The following VAT1L variants were observed in gnomAD, a reference collection of about 807,000 sequenced individuals.
VAT1L encodes putative NADPH-dependent quinone oxidoreductase VAT1L.
Under a neutral mutation model 44.1 loss-of-function variants are expected in VAT1L, and 34 were observed. That is an observed-to-expected ratio of 0.77 (90% CI 0.59 to 1.03). The LOEUF is 1.03. Ranked by LOEUF, VAT1L falls within the 50% of genes least tolerant of loss-of-function variation. The pLI is 0.00. For synonymous variants in VAT1L, 253 were observed against 202.2 expected, an observed-to-expected ratio of 1.25 and a Z score of -2.13; for missense variants, 615 against 538.8, an observed-to-expected ratio of 1.14 and a Z score of -1.40.
At chr16:77,950,567 A>C (rs1304516267) in intron 7 of VAT1L, among the ~76,000 whole-genome samples, 2 of 152,228 alleles carry the variant, frequency 1.3e-5, no homozygotes, top group African/African-American at 4.8e-5. Flanking sequence ...TATATAGATA[A>C]GCAGAATAAG....
Position 77,807,102 on chromosome 16 carries a change from A to G in VAT1L, c.234-9819A>G, listed in dbSNP as rs181178717. 2.6e-5 allele frequency among the ~76,000 whole-genome samples: 4 copies of G among 152,286 alleles called. No homozygotes were observed. In the East Asian group the frequency reaches 5.8e-4, roughly 22 times the overall value. ...AAGAACCACCAGATCTTTCCTCCTC[A>G]GGAACTGCCGTGCAAAGGAGCCTCA... On this transcript the variant is annotated intron_variant, in intron 1 of 8. Coordinates refer to ENST00000302536, the MANE Select transcript of VAT1L (RefSeq NM_020927.3).
intron 7 of VAT1L, among the ~76,000 whole-genome samples, chr16:77,951,132 T>C (rs577518997): frequency 3.7e-4 from 57 of 152,358 alleles, no homozygotes; most frequent in Non-Finnish European, 6.6e-4. Flanking sequence ...TTGGCTGCAC[T>C]GGCTGTTCAA....
chr16:77,867,558 G>A (rs2016988166), intron 4 of VAT1L, among the ~76,000 whole-genome samples: 2 of 152,016 alleles, frequency 1.3e-5, no homozygotes, highest in South Asian at 4.1e-4. Flanking sequence ...AATATCATGA[G>A]TCAAAAATAT....
rs1567491133 is a variant in VAT1L, at chr16:77,862,839, C to G, written c.671C>G (p.Ser224Cys). ...TTCAAGCATGAAGCAATCAAAGACT[C>G]TGTGACCCACCTCTTTGACAGAAAT... ...STFKHEAIKDSVTHLFDRNAD... is the reference protein window; with the variant it reads ...STFKHEAIKDCVTHLFDRNAD... Residue 224 changes from serine (S) to cysteine (C), a missense_variant, in exon 4 of 9, where the codon TCT (serine) becomes TGT (cysteine). By Grantham distance (112) the Ser-to-Cys change is moderately radical. Coordinates refer to ENST00000302536, the MANE Select transcript of VAT1L (RefSeq NM_020927.3). 1.2e-6 allele frequency: 2 copies of G among 1,614,056 alleles called. No homozygotes were observed. Among genetic ancestry groups the G allele is most frequent in the South Asian group, 2.2e-5 (2 of 91,082 alleles).
chr16:77,831,962 C>T (rs1439468029), intron 3 of VAT1L, among the ~76,000 whole-genome samples: 8 of 150,426 alleles, frequency 5.3e-5, no homozygotes, highest in African/African-American at 2.0e-4. Context: ...ACTACAGGCG[C>T]CCACCACCAT....
chr16:77,923,291 A>C (rs2017632128), intron 7 of VAT1L, among the ~76,000 whole-genome samples: 1 of 152,206 alleles, frequency 6.6e-6, no homozygotes, highest in South Asian at 2.1e-4. Flanking sequence ...TCTACCAAAA[A>C]TACAAAAAAT....
intron 7 of VAT1L, among the ~76,000 whole-genome samples, chr16:77,925,340 A>G (rs1277072736): frequency 1.3e-5 from 2 of 152,184 alleles, no homozygotes; most frequent in African/African-American, 4.8e-5. Flanking sequence ...TGAATCTGAC[A>G]AATGTGAATT....
intron 7 of VAT1L, among the ~76,000 whole-genome samples, chr16:77,921,240 G>A (rs1349163149): frequency 1.3e-5 from 2 of 152,164 alleles, no homozygotes; most frequent in Non-Finnish European, 2.9e-5. Context: ...CATAGCCCAA[G>A]AACACTGTAA....
At chr16:77,941,874 C>G (rs1038753029) in intron 7 of VAT1L, among the ~76,000 whole-genome samples, 2 of 152,154 alleles carry the variant, frequency 1.3e-5, no homozygotes, top group African/African-American at 4.8e-5. Context: ...CAGACACAAA[C>G]CACCACACCC....
chr16:77,790,689 T>G (rs777806302), intron 1 of VAT1L, among the ~76,000 whole-genome samples: 5 of 152,212 alleles, frequency 3.3e-5, no homozygotes, highest in Non-Finnish European at 7.3e-5. Flanking sequence ...GTATGTAATT[T>G]ATGACCCTTC....
At chr16:77,936,486 C>T (rs935272642) in intron 7 of VAT1L, among the ~76,000 whole-genome samples, 4 of 152,108 alleles carry the variant, frequency 2.6e-5, no homozygotes, top group African/African-American at 9.7e-5. Context: ...TGGGGGACTT[C>T]TCCTTAAGTC....
Position 77,788,600 on chromosome 16 carries a change from A to C in VAT1L, c.-83A>C. On this transcript the variant is annotated 5_prime_UTR_variant, in exon 1 of 9. Transcript: ENST00000302536. Reference sequence around the variant, plus strand: ...GAGCATCCCACATTCAACAGGAGGAACCCGCGGGAGAGGAGCCCCACTCCC... The same window carrying C: ...GAGCATCCCACATTCAACAGGAGGACCCCGCGGGAGAGGAGCCCCACTCCC... 211 of 1,376,820 alleles carry C rather than the reference A, an allele frequency of 1.5e-4. No individual in the cohort carries two copies. Among genetic ancestry groups the C allele is most frequent in the Non-Finnish European group, 1.9e-4 (186 of 1,003,062 alleles). 85.3% of individuals were successfully genotyped at this position (1,376,820 alleles called of 1,614,324 possible). A position where few individuals can be genotyped will look rare whatever the true frequency, so the allele number is the denominator to read the frequency against.
At chr16:77,910,245 C>T (rs1360745030) in intron 7 of VAT1L, among the ~76,000 whole-genome samples, 1 of 152,166 alleles carries the variant, frequency 6.6e-6, no homozygotes, top group Non-Finnish European at 1.5e-5. Flanking sequence ...TGGGAAATGG[C>T]AGCTGCTCTT....
chr16:77,972,370 G>C lies in VAT1L; in HGVS notation c.1161+437G>C, dbSNP rs557839550. ...CTTAAACTCTGTCACCCAGGCTGGA[G>C]TGCAGTAGCACTATCTCAACTCACT... On this transcript the variant is annotated intron_variant, in intron 8 of 8. Coordinates refer to ENST00000302536, the MANE Select transcript of VAT1L (RefSeq NM_020927.3). Among the ~76,000 whole-genome samples the C allele has an allele frequency of 5.2e-3, 788 of 152,126 alleles. 16 individuals carry two copies. Among genetic ancestry groups the C allele is most frequent in the Middle Eastern group, 3.4e-3 (1 of 294 alleles).
At chr16:77,932,307 G>A (rs537041370) in intron 7 of VAT1L, among the ~76,000 whole-genome samples, 5 of 151,930 alleles carry the variant, frequency 3.3e-5, no homozygotes, top group Middle Eastern at 3.4e-3. Context: ...GGGTTTCACC[G>A]TGTTAGCCAG....
chr16:77,908,530 G>A (rs1000258847), intron 7 of VAT1L, among the ~76,000 whole-genome samples: 4 of 146,992 alleles, frequency 2.7e-5, no homozygotes, highest in African/African-American at 1.0e-4. Flanking sequence ...AATAGGCCCT[G>A]TTGGAGTTCA....
At chr16:77,901,381 G>A (rs905572459) in intron 7 of VAT1L, among the ~76,000 whole-genome samples, 5 of 151,902 alleles carry the variant, frequency 3.3e-5, no homozygotes, top group Non-Finnish European at 7.4e-5. Flanking sequence ...AGCCAGGATG[G>A]TCTTGATCTC....
chr16:77,871,772 C>G (rs72793009), intron 4 of VAT1L, among the ~76,000 whole-genome samples: 12,626 of 152,138 alleles, frequency 0.083, 756 homozygotes, highest in East Asian at 0.22. Flanking sequence ...TCTTAGCATT[C>G]TACTTGGGAC....
At chr16:77,842,930 C>A (rs1281905811) in intron 3 of VAT1L, among the ~76,000 whole-genome samples, 1 of 152,158 alleles carries the variant, frequency 6.6e-6, no homozygotes. Flanking sequence ...CTGCTCAGTG[C>A]CTTGCATTCG....
Sources: gnomAD v4.1 joint callset for allele counts (sites outside exome capture counted in the v4.1 genomes callset) on GRCh38, gnomAD v4.1.1 for gene constraint, MANE v1.5 for transcripts, NCBI Gene and HGNC (gene_info 2026-07-23, HGNC 2026-07-21) for gene names.